The following CCDC175 variants were observed in gnomAD, a reference collection of about 807,000 sequenced individuals.
CCDC175 encodes the protein coiled-coil domain-containing protein 175.
CCDC175 carries 100 observed loss-of-function variants against 114.6 expected under a neutral mutation model. That is an observed-to-expected ratio of 0.87 (90% CI 0.74 to 1.03). The LOEUF (loss-of-function observed/expected upper bound fraction) is 1.03, where lower values mean the gene tolerates loss of function less well. Ranked by LOEUF, CCDC175 falls within the 50% of genes least tolerant of loss-of-function variation. The probability of loss-of-function intolerance (pLI) is 0.00; values close to 1 mark genes in which losing one functional copy is unlikely to be tolerated. For missense variants in CCDC175, 880 were observed against 917.8 expected, an observed-to-expected ratio of 0.96 and a Z score of 0.53; for synonymous variants, 306 against 308.7, an observed-to-expected ratio of 0.99 and a Z score of 0.09.
At chr14:59,508,423 C>CACACACACACACACACACAT (rs1244962098) in intron 19 of CCDC175, among the ~76,000 whole-genome samples, 2 of 150,440 alleles carry the variant, frequency 1.3e-5, no homozygotes, top group Non-Finnish European at 1.5e-5. Context: ...CACACACACA[C>CACACACACACACACACACAT]ACACACACAC....
At chr14:59,518,876 T>C (rs918061057) in intron 17 of CCDC175, among the ~76,000 whole-genome samples, 1 of 152,232 alleles carries the variant, frequency 6.6e-6, no homozygotes, top group Non-Finnish European at 1.5e-5. Flanking sequence ...CATGTATGTT[T>C]ATTGTGGCAC....
At chr14:59,544,373 AT>A (rs564302263) in intron 9 of CCDC175, among the ~76,000 whole-genome samples, 1 of 151,978 alleles carries the variant, frequency 6.6e-6, no homozygotes, top group African/African-American at 2.4e-5. Context: ...TCAAGTAGTT[AT>A]TTTTTTGTCT....
At chr14:59,559,954 G>A (rs1280609668) in intron 7 of CCDC175, among the ~76,000 whole-genome samples, 2 of 152,030 alleles carry the variant, frequency 1.3e-5, no homozygotes, top group East Asian at 1.9e-4. Context: ...AACGTAGTGA[G>A]GTTTTTATTC....
rs1442709575 is a variant in CCDC175, at chr14:59,505,083, A to C, written c.*156T>G. On this transcript the variant is annotated 3_prime_UTR_variant, in exon 20 of 20. Coordinates refer to ENST00000537690, the MANE Select transcript of CCDC175 (RefSeq NM_001164399.2). ...CCATGTTTATCCATTTTTATTGTTTAGAAGTTTATTTACTGATACTTGGTG... is the reference window on the plus strand; with the variant it reads ...CCATGTTTATCCATTTTTATTGTTTCGAAGTTTATTTACTGATACTTGGTG... 1 of 431,314 alleles carries C rather than the reference A, an allele frequency of 2.3e-6. No individual in the cohort carries two copies. The highest frequency in any genetic ancestry group is 4.1e-6 in the Non-Finnish European group (1 of 241,808). 26.7% of individuals were successfully genotyped at this position (431,314 alleles called of 1,614,324 possible). A position where few individuals can be genotyped will look rare whatever the true frequency, so the allele number is the denominator to read the frequency against.
At chr14:59,516,072 G>A (rs927055605) in intron 17 of CCDC175, among the ~76,000 whole-genome samples, 3 of 152,110 alleles carry the variant, frequency 2.0e-5, no homozygotes, top group Admixed American at 1.3e-4. Flanking sequence ...TGACTACTGG[G>A]TACATAACGA....
chr14:59,549,725 A>AAAAAAAAAAAAAAAAG (rs1252837181), intron 8 of CCDC175, among the ~76,000 whole-genome samples: 2 of 150,902 alleles, frequency 1.3e-5, no homozygotes, highest in African/African-American at 2.4e-5. Context: ...GTCTCAAAAA[A>AAAAAAAAAAAAAAAAG]AAAAAGAAAA....
chr14:59,564,294 C>G (rs1269448832), intron 5 of CCDC175: 1 of 152,814 alleles, frequency 6.5e-6, no homozygotes, highest in Admixed American at 6.5e-5. Flanking sequence ...ATAAAACCAG[C>G]TAAACACAGA....
At chr14:59,544,747 G>A (rs150150966) in intron 9 of CCDC175, among the ~76,000 whole-genome samples, 15 of 152,268 alleles carry the variant, frequency 9.9e-5, no homozygotes, top group African/African-American at 2.6e-4. Flanking sequence ...GATAATGCTC[G>A]AGCATATTAT....
At chr14:59,559,866 T>C (rs552337662) in intron 7 of CCDC175, among the ~76,000 whole-genome samples, 1 of 152,090 alleles carries the variant, frequency 6.6e-6, no homozygotes, top group South Asian at 2.1e-4. Flanking sequence ...TAGATAATGA[T>C]AAATCATTAC....
At chr14:59,536,332 A>G (rs1894394948) in intron 13 of CCDC175, among the ~76,000 whole-genome samples, 1 of 151,536 alleles carries the variant, frequency 6.6e-6, no homozygotes. Flanking sequence ...GACTACCCCT[A>G]TTTACAACAG....
At chr14:59,549,725 A>AAAAAAAAAAAAAAAAAAAAAAG (rs1252837181) in intron 8 of CCDC175, among the ~76,000 whole-genome samples, 1 of 150,788 alleles carries the variant, frequency 6.6e-6, no homozygotes, top group African/African-American at 2.4e-5. Context: ...GTCTCAAAAA[A>AAAAAAAAAAAAAAAAAAAAAAG]AAAAAGAAAA....
At chr14:59,534,380 C>T (rs868151186) in intron 13 of CCDC175, among the ~76,000 whole-genome samples, 1 of 152,216 alleles carries the variant, frequency 6.6e-6, no homozygotes, top group Non-Finnish European at 1.5e-5. Context: ...GAAGGTGGAG[C>T]GTTGGAAAAG....
At chr14:59,531,353 GA>G (rs5809037) in intron 14 of CCDC175, among the ~76,000 whole-genome samples, 61,816 of 149,844 alleles carry the variant, frequency 0.41, 13,855 homozygotes, top group African/African-American at 0.59. Flanking sequence ...GGAAGTTAGT[GA>G]AAAAAAAAAT....
At chr14:59,513,902 T>G (rs2084912833) in intron 17 of CCDC175, among the ~76,000 whole-genome samples, 1 of 152,082 alleles carries the variant, frequency 6.6e-6, no homozygotes. Flanking sequence ...GTAGCGTAAC[T>G]GGGAGGCACC....
At chr14:59,567,590 A>T (rs1896633255) in intron 4 of CCDC175, among the ~76,000 whole-genome samples, 1 of 152,208 alleles carries the variant, frequency 6.6e-6, no homozygotes, top group Non-Finnish European at 1.5e-5. Flanking sequence ...TTCAGAATAT[A>T]TCTCTTCCTT....
chr14:59,515,448 C>G (rs905762245), intron 17 of CCDC175, among the ~76,000 whole-genome samples: 2 of 151,998 alleles, frequency 1.3e-5, no homozygotes, highest in Non-Finnish European at 2.9e-5. Flanking sequence ...CACATATAGG[C>G]TCAAAATAAA....
At chr14:59,540,799 C>A in intron 10 of CCDC175, 53 bp from the exon 11 acceptor site, 1 of 1,377,282 alleles carries the variant, frequency 7.3e-7, no homozygotes, top group Non-Finnish European at 9.8e-7. Context: ...TTAGAATATA[C>A]AATAGACTCT....
chr14:59,529,458 A>T (rs746790595), intron 14 of CCDC175, among the ~76,000 whole-genome samples: 3 of 152,156 alleles, frequency 2.0e-5, no homozygotes, highest in Admixed American at 6.5e-5. Context: ...ACTTTCAACC[A>T]ACCTTTAGCC....
chr14:59,524,738 A>G (rs140006206), intron 16 of CCDC175, among the ~76,000 whole-genome samples: 2 of 152,302 alleles, frequency 1.3e-5, no homozygotes, highest in Admixed American at 6.5e-5. Flanking sequence ...ATATGTATGT[A>G]TGTTCACCAA....
Sources: gnomAD v4.1 joint callset for allele counts (sites outside exome capture counted in the v4.1 genomes callset) on GRCh38, gnomAD v4.1.1 for gene constraint, MANE v1.5 for transcripts, NCBI Gene and HGNC (gene_info 2026-07-23, HGNC 2026-07-21) for gene names.